Variants in PRKDC observed in about 807,000 individuals in gnomAD.
The protein encoded by PRKDC is protein kinase, DNA-activated, catalytic subunit.
PRKDC carries 82 observed loss-of-function variants against 486.9 expected under a neutral mutation model. The observed-to-expected ratio is 0.17, with a 90% CI of 0.14 to 0.20. PRKDC has a LOEUF of 0.20. Among genes scored for constraint, PRKDC ranks in the 10% least tolerant of loss-of-function variants. The pLI, the probability that PRKDC is intolerant of heterozygous loss-of-function variation, is 1.00. For missense variants in PRKDC, 4,504 were observed against 5,038.2 expected, an observed-to-expected ratio of 0.89 and a Z score of 3.21; for synonymous variants, 1,895 against 1,837.0, an observed-to-expected ratio of 1.03 and a Z score of -0.81.
rs2089165867 is a variant in PRKDC at position 47,879,598 on chromosome 8, G to C, written c.5128C>G (p.Leu1710Val). Residue 1710 changes from leucine to valine, a missense_variant, in exon 39 of 86, where the codon CTT (leucine) becomes GTT (valine). Leu to Val is a conservative substitution (Grantham distance 32, BLOSUM62 1). Coordinates refer to ENST00000314191, the MANE Select transcript of PRKDC (RefSeq NM_006904.7). ...ATGAGCTGCTCCAGAACACGTCTAA[G>C]TTCCTCCAGACTGCCTCCAGTGAGG... is the stretch of plus-strand genomic sequence containing the variant. The part of the protein sequence containing the change: ...TSLTGGSLEE[L>V]RRVLEQLIVA... The C allele has an allele frequency of 7.5e-6, 12 of 1,593,924 alleles. No homozygotes were observed. Among genetic ancestry groups the C allele is most frequent in the Non-Finnish European group, 8.5e-6 (10 of 1,170,662 alleles).
At position 47,779,895 on chromosome 8, in the gene PRKDC, CTTTTG is replaced by C. The variant is rs1328187833; in HGVS notation, c.11490-807_11490-803del. Among the ~76,000 whole-genome samples the C allele has an allele frequency of 7.7e-3, 1,013 of 131,778 alleles. 9 individuals are homozygous for C. The highest frequency in any genetic ancestry group is 0.026 in the African/African-American group (935 of 36,128). The allele number at this position is 131,778 out of a possible 152,430, so 86.5% of individuals were successfully genotyped here. A position where few individuals can be genotyped will look rare whatever the true frequency, so the allele number is the denominator to read the frequency against. On this transcript the variant is annotated intron_variant, in intron 80 of 85. Coordinates refer to ENST00000314191, the MANE Select transcript of PRKDC (RefSeq NM_006904.7). ...GAGCCACCACGCCTGGCCTCTTTTT[CTTTTG>C]TTTTGTTTTGTCTTTTTTTTTTTTT...
chr8:47,866,360 G>C (rs2088813292), intron 40 of PRKDC, among the ~76,000 whole-genome samples: 1 of 152,090 alleles, frequency 6.6e-6, no homozygotes, highest in Non-Finnish European at 1.5e-5. Context: ...CACCCACTCT[G>C]TGCTATTCTG....
At chr8:47,957,509 A>T in intron 1 of PRKDC, 78 bp from the exon 2 acceptor site, 1 of 1,204,856 alleles carries the variant, frequency 8.3e-7, no homozygotes, top group South Asian at 1.4e-5. Context: ...GGTTGCAATG[A>T]TTTTCTTATT....
intron 7 of PRKDC, among the ~76,000 whole-genome samples, chr8:47,945,213 T>C (rs1310202342): frequency 6.6e-6 from 1 of 152,172 alleles, no homozygotes; most frequent in African/African-American, 2.4e-5. Flanking sequence ...AGTGGCCCAC[T>C]CCCTGTAGAA....
intron 83 of PRKDC, 147 bp downstream of exon 83, chr8:47,778,312 T>C: frequency 1.2e-6 from 1 of 846,924 alleles, no homozygotes; most frequent in Non-Finnish European, 1.8e-6. Flanking sequence ...AACTAAGTGA[T>C]TATCCCTTTC....
At chr8:47,945,189 C>T (rs2090512016) in intron 7 of PRKDC, among the ~76,000 whole-genome samples, 1 of 152,226 alleles carries the variant, frequency 6.6e-6, no homozygotes, top group Non-Finnish European at 1.5e-5. Context: ...CACTCTCCTG[C>T]AGCCCCTCCC....
chr8:47,862,622 C>A lies in PRKDC; in HGVS notation c.5751-81G>T. 2 of 1,359,478 alleles carry A rather than the reference C, an allele frequency of 1.5e-6. 1 individual carries two copies. Among genetic ancestry groups the A allele is most frequent in the South Asian group, 3.0e-5 (2 of 67,436 alleles). 84.2% of individuals were successfully genotyped at this position (1,359,478 alleles called of 1,614,324 possible). Reference sequence around the variant, plus strand: ...AGCCCAACAATGCCAGACAACAGGACCTAATGCCATTCAGCCTTTCTCGAG... The same window carrying A: ...AGCCCAACAATGCCAGACAACAGGAACTAATGCCATTCAGCCTTTCTCGAG... On this transcript the variant is annotated intron_variant, in intron 42 of 85. Transcript: ENST00000314191.
rs1019599969 is a variant in PRKDC at position 47,901,389 on chromosome 8, G to A, written c.3270-922C>T. Among the ~76,000 whole-genome samples the A allele has an allele frequency of 5.3e-5, 8 of 151,644 alleles. No individual in the cohort carries two copies. In the South Asian group the frequency reaches 1.7e-3, roughly 32 times the overall value. ...CTTGGAAGACTGAGGCAGGCAAATCGCTTGAACCTGGGAAGCAGAGGTTGC... is the reference window on the plus strand; with the variant it reads ...CTTGGAAGACTGAGGCAGGCAAATCACTTGAACCTGGGAAGCAGAGGTTGC... On this transcript the variant is annotated intron_variant, in intron 27 of 85. Coordinates refer to ENST00000314191, the MANE Select transcript of PRKDC (RefSeq NM_006904.7).
chr8:47,815,859 T>C (rs1015666469), intron 68 of PRKDC, among the ~76,000 whole-genome samples: 3 of 152,190 alleles, frequency 2.0e-5, no homozygotes, highest in African/African-American at 7.2e-5. Flanking sequence ...TATTTGTTAG[T>C]TGCAAAAGAA....
chr8:47,881,775 T>C (rs2089224398), intron 37 of PRKDC, 137 bp downstream of exon 37: 2 of 783,892 alleles, frequency 2.6e-6, no homozygotes. Flanking sequence ...AAGGTAAATA[T>C]AAGCAACCAT....
intron 11 of PRKDC, among the ~76,000 whole-genome samples, chr8:47,937,791 G>A (rs768804272): frequency 5.9e-5 from 9 of 152,094 alleles, no homozygotes; most frequent in African/African-American, 1.2e-4. Context: ...ATTTAAAGTC[G>A]CCAACAGAGA....
intron 48 of PRKDC, among the ~76,000 whole-genome samples, chr8:47,858,281 T>G (rs2088591551): frequency 6.7e-6 from 1 of 148,174 alleles, no homozygotes; most frequent in Non-Finnish European, 1.5e-5. Flanking sequence ...CACTTCTAAC[T>G]CACGAGAGGT....
chr8:47,825,504 C>CAAAAAAAAAAAA (rs397891351), intron 63 of PRKDC, among the ~76,000 whole-genome samples: 7 of 10,256 alleles, frequency 6.8e-4, no homozygotes, highest in African/African-American at 1.4e-3. Flanking sequence ...AAGACTGTCT[C>CAAAAAAAAAAAA]AAAAAAAAAA....
intron 14 of PRKDC, 27 bp downstream of exon 14, chr8:47,934,982 T>C: frequency 2.0e-6 from 3 of 1,470,828 alleles, no homozygotes; most frequent in Non-Finnish European, 2.8e-6. Flanking sequence ...ACAGATTAAT[T>C]TTCTAAACAT....
chr8:47,836,224 G>A (rs2088018053), intron 58 of PRKDC, 114 bp downstream of exon 58: 23 of 1,088,082 alleles, frequency 2.1e-5, no homozygotes, highest in Non-Finnish European at 2.7e-5. Flanking sequence ...GGTTCTTAAC[G>A]CTTTTTGCTA....
intron 62 of PRKDC, among the ~76,000 whole-genome samples, chr8:47,827,761 T>C (rs1378524619): frequency 6.6e-6 from 1 of 152,214 alleles, no homozygotes; most frequent in African/African-American, 2.4e-5. Context: ...AAGGAATTTT[T>C]GCCTCTTCAT....
intron 68 of PRKDC, among the ~76,000 whole-genome samples, chr8:47,810,307 A>G (rs1254864085): frequency 6.6e-6 from 1 of 152,212 alleles, no homozygotes; most frequent in African/African-American, 2.4e-5. Flanking sequence ...ACACTCACAT[A>G]ACGTTTATTA....
rs778808256 is a variant in PRKDC, at chr8:47,774,315, C to T, written c.12245G>A (p.Arg4082Gln). ...ACGAATGTTGTGATCTTTGCTTCCT[C>T]GTGCCACAGCCACATAGTCTCTGAA... is the stretch of plus-strand genomic sequence containing the variant. ...PAFRDYVAVA[R>Q]GSKDHNIRAQ... Residue 4082 changes from arginine (R) to glutamine (Q), a missense_variant, in exon 86 of 86, where the codon CGA becomes CAA. By Grantham distance (43) the Arg-to-Gln change is conservative. This residue lies in a region of PRKDC where 706 missense variants were observed against 945.0 expected (regional missense o/e 0.75). Coordinates refer to ENST00000314191, the MANE Select transcript of PRKDC (RefSeq NM_006904.7). 15 of 1,613,314 alleles carry T rather than the reference C, an allele frequency of 9.3e-6. No homozygotes were observed. Among genetic ancestry groups the T allele is most frequent in the Middle Eastern group, 1.7e-4 (1 of 6,018 alleles).
At chr8:47,947,131 A>T (rs2090546666) in intron 7 of PRKDC, among the ~76,000 whole-genome samples, 1 of 152,140 alleles carries the variant, frequency 6.6e-6, no homozygotes, top group Admixed American at 6.6e-5. Flanking sequence ...CACGCAGGCT[A>T]AGCACAGGGC....
Sources: gnomAD v4.1 joint callset for allele counts (sites outside exome capture counted in the v4.1 genomes callset) on GRCh38, gnomAD v4.1.1 for gene constraint, gnomAD v4.1.1 regional missense constraint, MANE v1.5 for transcripts, NCBI Gene and HGNC (gene_info 2026-07-23, HGNC 2026-07-21) for gene names.